PPARGC1A: variants seen among roughly 807,000 people sequenced by gnomAD.
The protein encoded by PPARGC1A is peroxisome proliferator-activated receptor gamma coactivator 1-alpha.
Under a neutral mutation model 88.7 loss-of-function variants are expected in PPARGC1A, and 25 were observed. The observed-to-expected ratio is 0.28, with a 90% CI of 0.21 to 0.39. The LOEUF is 0.39. PPARGC1A is among the 10% of genes least tolerant of loss of function. PPARGC1A has a pLI of 1.00. For synonymous variants in PPARGC1A, 363 were observed against 355.6 expected (o/e 1.02, Z -0.24); for missense variants, 880 against 968.7 (o/e 0.91, Z 1.22).
the PPARGC1A span, among the ~76,000 whole-genome samples, chr4:23,960,326 G>C: frequency 6.6e-6 from 1 of 152,010 alleles, no homozygotes; most frequent in African/African-American, 2.4e-5. Context: ...TGGAGGCCAG[G>C]GATGTTGCTG....
At position 23,795,768 on chromosome 4, in the gene PPARGC1A, C is replaced by G; in HGVS notation, c.*54G>C. The G allele has an allele frequency of 3.6e-6, 5 of 1,378,878 alleles. No individual in the cohort carries two copies. Among genetic ancestry groups the G allele is most frequent in the Non-Finnish European group, 5.0e-6 (5 of 994,286 alleles). 85.4% of individuals were successfully genotyped at this position (1,378,878 alleles called of 1,614,324 possible). A position where few individuals can be genotyped will look rare whatever the true frequency, so the allele number is the denominator to read the frequency against. ...TTGCAATAGTCTTTAGGGAAGGACG[C>G]GCTGTCCCATGAGGTATTCGCCATC... On this transcript the variant is annotated 3_prime_UTR_variant, in exon 13 of 13. Coordinates refer to ENST00000264867, the MANE Select transcript of PPARGC1A (RefSeq NM_013261.5).
At chr4:23,815,006 C>T (rs573575354) in intron 7 of PPARGC1A, among the ~76,000 whole-genome samples, 8 of 151,926 alleles carry the variant, frequency 5.3e-5, no homozygotes, top group South Asian at 2.1e-4. Flanking sequence ...TGAGGAATCA[C>T]GGAATAGCCT....
the PPARGC1A span, among the ~76,000 whole-genome samples, chr4:24,387,838 AAGAGAGAG>A: frequency 1.4e-5 from 1 of 72,426 alleles, no homozygotes; most frequent in African/African-American, 3.9e-5. Context: ...GAAAGAGAGA[AAGAGAGAG>A]AGAAAGAGAG....
At chr4:24,232,705 AG>A in the PPARGC1A span, among the ~76,000 whole-genome samples, 5 of 152,220 alleles carry the variant, frequency 3.3e-5, no homozygotes, top group Non-Finnish European at 7.3e-5. Context: ...ATGCTAGTGC[AG>A]GGAACCTAGC....
the PPARGC1A span, among the ~76,000 whole-genome samples, chr4:23,987,613 C>G: frequency 6.6e-6 from 1 of 151,912 alleles, no homozygotes; most frequent in African/African-American, 2.4e-5. Flanking sequence ...TAAGCAGTGT[C>G]TCTCCTGTAT....
chr4:23,903,052 T>G (rs999345754), upstream of PPARGC1A, among the ~76,000 whole-genome samples: 1 of 152,168 alleles, frequency 6.6e-6, no homozygotes, highest in African/African-American at 2.4e-5. Flanking sequence ...TGCAGTACTT[T>G]ACAGAAAACT....
the PPARGC1A span, among the ~76,000 whole-genome samples, chr4:24,047,134 T>C: frequency 6.6e-6 from 1 of 152,218 alleles, no homozygotes; most frequent in African/African-American, 2.4e-5. Flanking sequence ...TTTGACTCAA[T>C]GAGTGACTAG....
chr4:24,292,645 C>A, the PPARGC1A span, among the ~76,000 whole-genome samples: 1 of 96,056 alleles, frequency 1.0e-5, no homozygotes, highest in Non-Finnish European at 2.1e-5. Flanking sequence ...CCCCCTCACC[C>A]CCACCCCTTC....
chr4:23,924,343 C>T, the PPARGC1A span, among the ~76,000 whole-genome samples: 3 of 152,176 alleles, frequency 2.0e-5, no homozygotes, highest in Admixed American at 1.3e-4. Context: ...GTTCAAGTGT[C>T]TAGGCCAGGC....
chr4:24,139,370 T>A, the PPARGC1A span, among the ~76,000 whole-genome samples: 1 of 128,292 alleles, frequency 7.8e-6, no homozygotes, highest in Non-Finnish European at 1.6e-5. Context: ...CCTGACCTTG[T>A]GATCCGCCCG....
chr4:24,020,712 G>T, the PPARGC1A span, among the ~76,000 whole-genome samples: 4 of 152,190 alleles, frequency 2.6e-5, no homozygotes, highest in South Asian at 4.2e-4. Flanking sequence ...GGGAAGGGGG[G>T]ACAGAGGAGG....
intron 12 of PPARGC1A, among the ~76,000 whole-genome samples, chr4:23,800,845 G>A (rs777280796): frequency 5.3e-5 from 8 of 151,622 alleles, no homozygotes; most frequent in Non-Finnish European, 1.2e-4. Flanking sequence ...TGTAAAATGG[G>A]GATGATAGTA....
intron 2 of PPARGC1A, among the ~76,000 whole-genome samples, chr4:23,844,724 TTATAA>T (rs1178362785): frequency 5.2e-5 from 5 of 95,714 alleles, no homozygotes; most frequent in African/African-American, 9.1e-5. Flanking sequence ...ATATATATTA[TTATAA>T]TATATGATAT....
the PPARGC1A span, among the ~76,000 whole-genome samples, chr4:24,388,325 T>C: frequency 6.6e-6 from 1 of 152,204 alleles, no homozygotes; most frequent in Non-Finnish European, 1.5e-5. Flanking sequence ...AAACAACAGA[T>C]GCTGGAGAGG....
chr4:24,163,726 C>T, the PPARGC1A span, among the ~76,000 whole-genome samples: 2,719 of 152,306 alleles, frequency 0.018, 91 homozygotes, highest in African/African-American at 0.061. Context: ...GCCAATCATG[C>T]TTCTGCTTCC....
rs760223419 is a variant in PPARGC1A at position 23,795,769 on chromosome 4, G to A, written c.*53C>T. ...TGCAATAGTCTTTAGGGAAGGACGC[G>A]CTGTCCCATGAGGTATTCGCCATCC... On this transcript the variant is annotated 3_prime_UTR_variant, in exon 13 of 13. Transcript: ENST00000264867. The A allele has an allele frequency of 1.6e-5, 22 of 1,378,840 alleles. No individual in the cohort carries two copies. Among genetic ancestry groups the A allele is most frequent in the South Asian group, 5.0e-5 (4 of 80,500 alleles). The allele number at this position is 1,378,840 out of a possible 1,614,324, so 85.4% of individuals were successfully genotyped here.
At chr4:24,412,453 T>C in the PPARGC1A span, among the ~76,000 whole-genome samples, 1 of 152,142 alleles carries the variant, frequency 6.6e-6, no homozygotes, top group African/African-American at 2.4e-5. Flanking sequence ...GAATTCAAAT[T>C]CCATTGTTGG....
chr4:24,339,955 T>C, the PPARGC1A span, among the ~76,000 whole-genome samples: 1 of 152,110 alleles, frequency 6.6e-6, no homozygotes, highest in Non-Finnish European at 1.5e-5. Context: ...GCCAGGATGG[T>C]TTCCATCTCC....
chr4:24,307,089 T>A, the PPARGC1A span, among the ~76,000 whole-genome samples: 1 of 152,226 alleles, frequency 6.6e-6, no homozygotes, highest in African/African-American at 2.4e-5. Context: ...TTCTTCTATT[T>A]AAAAATTCAA....
Sources: allele counts gnomAD v4.1 joint callset (sites outside exome capture counted in the v4.1 genomes callset), GRCh38; gene constraint gnomAD v4.1.1; transcripts MANE v1.5; gene names NCBI Gene and HGNC (gene_info 2026-07-23, HGNC 2026-07-21).